Variants in DLGAP2 observed in about 807,000 individuals in gnomAD.
DLGAP2 encodes the protein DLG associated protein 2.
Under a neutral mutation model 100.3 loss-of-function variants are expected in DLGAP2, and 26 were observed. The ratio of observed to expected loss-of-function variants is 0.26; its 90% CI spans 0.19 to 0.36. The LOEUF (loss-of-function observed/expected upper bound fraction) is 0.36, where lower values mean the gene tolerates loss of function less well. Among genes scored for constraint, DLGAP2 ranks in the 10% least tolerant of loss-of-function variants. The probability of loss-of-function intolerance (pLI) is 1.00; values close to 1 mark genes in which losing one functional copy is unlikely to be tolerated. For missense variants in DLGAP2, 1,858 were observed against 1,453.2 expected (o/e 1.28, Z -4.53); for synonymous variants, 886 against 630.1 (o/e 1.41, Z -6.08).
In DLGAP2 at chr8:1,549,648, G is replaced by C. The variant is rs749600526; in HGVS notation, c.1195G>C (p.Ala399Pro). The C allele has an allele frequency of 1.3e-6, 2 of 1,572,830 alleles. No individual in the cohort carries two copies. Among genetic ancestry groups the C allele is most frequent in the African/African-American group, 1.4e-5 (1 of 73,862 alleles). ...GGACAAGCCGCTGCTGCACCAGGAC[G>C]CCAAGCCCGCCCTGAGGCCGTGCCA... ...NLDKPLLHQDAKPALRPCHYL... is the reference protein window; with the variant it reads ...NLDKPLLHQDPKPALRPCHYL... Residue 399 changes from alanine to proline, a missense_variant, in exon 5 of 15, where the codon GCC (alanine) becomes CCC (proline). Transcript: ENST00000637795.
chr8:1,624,522 G>C lies in DLGAP2; in HGVS notation c.1443-2218G>C, dbSNP rs185287962. Among the ~76,000 whole-genome samples, 314 of 151,800 alleles carry C rather than the reference G, an allele frequency of 2.1e-3. 2 individuals are homozygous for C. The highest frequency in any genetic ancestry group is 6.9e-3 in the African/African-American group (287 of 41,394). On this transcript the variant is annotated intron_variant, in intron 6 of 14. Transcript: ENST00000637795. Reference sequence around the variant, plus strand: ...AATGAGTCCACGCATCCATCAACCTGAGCCTGAAACTTGTGACCGTGTCTC... The same window carrying C: ...AATGAGTCCACGCATCCATCAACCTCAGCCTGAAACTTGTGACCGTGTCTC...
intron 3 of DLGAP2, among the ~76,000 whole-genome samples, chr8:1,317,916 CGAG>C (rs1370703134): frequency 1.7e-5 from 2 of 114,690 alleles, no homozygotes; most frequent in Non-Finnish European, 3.5e-5. Flanking sequence ...GGTCTACACT[CGAG>C]ACACTCGTCA....
chr8:1,179,339 A>G (rs926243364), intron 2 of DLGAP2, among the ~76,000 whole-genome samples: 4 of 152,222 alleles, frequency 2.6e-5, no homozygotes, highest in Non-Finnish European at 4.4e-5. Flanking sequence ...GTGGCCAGGC[A>G]CCAGCTGAGG....
intron 3 of DLGAP2, among the ~76,000 whole-genome samples, chr8:1,332,437 CTG>C (rs1394061830): frequency 2.6e-5 from 4 of 151,938 alleles, no homozygotes; most frequent in African/African-American, 4.8e-5. Flanking sequence ...GTATATATGT[CTG>C]TGTACACATG....
At chr8:1,496,705 A>T (rs4876068) in intron 3 of DLGAP2, among the ~76,000 whole-genome samples, 80,998 of 151,974 alleles carry the variant, frequency 0.53, 24,382 homozygotes, top group South Asian at 0.7. Flanking sequence ...CTGAAGCTCA[A>T]GGGTGATCAG....
Position 1,469,035 on chromosome 8 carries a change from G to A in DLGAP2, c.107-32331G>A, listed in dbSNP as rs139570133. On this transcript the variant is annotated intron_variant, in intron 3 of 14. Coordinates refer to ENST00000637795, the MANE Select transcript of DLGAP2 (RefSeq NM_001346810.2). ...GTCAGAGTCACAGGCTCCGGGATGA[G>A]GCTGTCAACACATCCTTCTAGGGGA... Among the ~76,000 whole-genome samples, 277 of 152,272 alleles carry A rather than the reference G, an allele frequency of 1.8e-3. 1 individual carries two copies. The highest frequency in any genetic ancestry group is 6.5e-3 in the African/African-American group (268 of 41,510).
chr8:949,216 C>A (rs1291213076), intron 2 of DLGAP2, among the ~76,000 whole-genome samples: 2 of 152,182 alleles, frequency 1.3e-5, no homozygotes, highest in Non-Finnish European at 2.9e-5. Context: ...ATCAAGGGTC[C>A]AGCCTGTGCT....
rs919604489 is a variant in DLGAP2 at position 1,221,213 on chromosome 8, G to A, written c.74-37638G>A. On this transcript the variant is annotated intron_variant, in intron 2 of 14. Coordinates refer to ENST00000637795, the MANE Select transcript of DLGAP2 (RefSeq NM_001346810.2). Reference sequence around the variant, plus strand: ...GTGTCAGTGGACTATGTACTTATGTGTGTTTTTGTGGTGGCAGATAAGGGT... The same window carrying A: ...GTGTCAGTGGACTATGTACTTATGTATGTTTTTGTGGTGGCAGATAAGGGT... Among the ~76,000 whole-genome samples the A allele has an allele frequency of 1.3e-5, 2 of 152,166 alleles. 1 individual carries two copies. The highest frequency in any genetic ancestry group is 2.9e-5 in the Non-Finnish European group (2 of 68,014).
At chr8:1,261,875 T>A (rs1799357209) in intron 3 of DLGAP2, among the ~76,000 whole-genome samples, 1 of 152,214 alleles carries the variant, frequency 6.6e-6, no homozygotes, top group Admixed American at 6.5e-5. Flanking sequence ...GCGAGTTAAC[T>A]CATAAATGTC....
chr8:994,391 G>A (rs1392297018), intron 2 of DLGAP2, among the ~76,000 whole-genome samples: 1 of 152,088 alleles, frequency 6.6e-6, no homozygotes, highest in Non-Finnish European at 1.5e-5. Context: ...GTAGAGACGG[G>A]TTTTCTCCAT....
intron 4 of DLGAP2, among the ~76,000 whole-genome samples, chr8:1,507,537 C>T (rs1584965581): frequency 6.6e-6 from 1 of 152,278 alleles, no homozygotes; most frequent in Non-Finnish European, 1.5e-5. Context: ...CAGAGGGAGC[C>T]GGCTCCGGCC....
chr8:1,568,413 G>A (rs550777230), intron 6 of DLGAP2, among the ~76,000 whole-genome samples: 17 of 138,420 alleles, frequency 1.2e-4, no homozygotes, highest in African/African-American at 4.7e-4. Context: ...CGATGCCATT[G>A]TCCACTCAGC....
intron 3 of DLGAP2, among the ~76,000 whole-genome samples, chr8:1,321,411 C>G (rs959480193): frequency 5.3e-5 from 8 of 151,708 alleles, no homozygotes; most frequent in African/African-American, 1.7e-4. Flanking sequence ...GTGCATGCAT[C>G]CATGTGTCTG....
chr8:1,348,907 T>C (rs1344690055), intron 3 of DLGAP2, among the ~76,000 whole-genome samples: 5 of 152,178 alleles, frequency 3.3e-5, no homozygotes, highest in African/African-American at 1.2e-4. Flanking sequence ...ATCTCAGGTT[T>C]GGATTTTGGA....
intron 3 of DLGAP2, among the ~76,000 whole-genome samples, chr8:1,308,021 T>C (rs953699906): frequency 9.9e-5 from 15 of 152,170 alleles, no homozygotes; most frequent in Non-Finnish European, 1.8e-4. Flanking sequence ...TACCACCGTT[T>C]TTCCAAAAAG....
At chr8:790,355 A>G (rs981286517) in intron 1 of DLGAP2, among the ~76,000 whole-genome samples, 1 of 152,206 alleles carries the variant, frequency 6.6e-6, no homozygotes, top group Non-Finnish European at 1.5e-5. Context: ...ACGTAACCAA[A>G]ATGAAAAGAT....
chr8:1,317,048 G>A (rs550063403), intron 3 of DLGAP2, among the ~76,000 whole-genome samples: 10 of 109,490 alleles, frequency 9.1e-5, no homozygotes, highest in Admixed American at 9.7e-5. Context: ...GTGTGCGAGT[G>A]CAGCGTCTCT....
rs550464843 is a variant in DLGAP2 at position 993,626 on chromosome 8, C to G, written c.73+85660C>G. 4.3e-4 allele frequency among the ~76,000 whole-genome samples: 65 copies of G among 152,190 alleles called. 1 individual carries two copies. Among genetic ancestry groups the G allele is most frequent in the African/African-American group, 1.5e-3 (62 of 41,534 alleles). On this transcript the variant is annotated intron_variant, in intron 2 of 14. Coordinates refer to ENST00000637795, the MANE Select transcript of DLGAP2 (RefSeq NM_001346810.2). ...TGCTGATGCCTGGTGTGTATCCTTT[C>G]TCCTGTATCAAGCGTCTCCTTCATG...
intron 2 of DLGAP2, among the ~76,000 whole-genome samples, chr8:961,001 A>G (rs993027247): frequency 2.6e-5 from 4 of 150,984 alleles, no homozygotes; most frequent in South Asian, 4.1e-4. Context: ...TTTTTCATCA[A>G]TTTTCTAATT....
Sources: allele counts gnomAD v4.1 joint callset (sites outside exome capture counted in the v4.1 genomes callset), GRCh38; gene constraint gnomAD v4.1.1; transcripts MANE v1.5; gene names NCBI Gene and HGNC (gene_info 2026-07-23, HGNC 2026-07-21).